TIAM2: variants seen among roughly 807,000 people sequenced by gnomAD.
TIAM2 encodes the protein TIAM Rac1 associated GEF 2.
In TIAM2, 80 loss-of-function variants were observed where a neutral mutation model predicts 152.9. That is an observed-to-expected ratio of 0.52 (90% CI 0.44 to 0.63). TIAM2 has a LOEUF of 0.63. Ranked by LOEUF, TIAM2 falls within the 30% of genes least tolerant of loss-of-function variation. The pLI is 0.00. For missense variants in TIAM2, 1,965 were observed against 2,120.1 expected, an observed-to-expected ratio of 0.93 and a Z score of 1.44; for synonymous variants, 804 against 838.0, an observed-to-expected ratio of 0.96 and a Z score of 0.70.
chr6:155,004,860 A>C (rs1778373855), intron 1 of TIAM2: 1 of 155,808 alleles, frequency 6.4e-6, no homozygotes, highest in African/African-American at 2.4e-5. Flanking sequence ...CCAAAAGAAG[A>C]TGTGCCCAAG....
At chr6:155,142,083 G>A (rs930070009) in intron 5 of TIAM2, among the ~76,000 whole-genome samples, 10 of 151,914 alleles carry the variant, frequency 6.6e-5, no homozygotes, top group African/African-American at 1.4e-4. Context: ...CCCCAGCATC[G>A]GGGTGAACGG....
chr6:155,042,032 T>G (rs1274691408), intron 1 of TIAM2, among the ~76,000 whole-genome samples: 1 of 152,096 alleles, frequency 6.6e-6, no homozygotes, highest in Non-Finnish European at 1.5e-5. Context: ...TTTTTTCTTT[T>G]TTTTTAATCT....
chr6:155,244,148 T>G, intron 17 of TIAM2, 69 bp downstream of exon 17: 1 of 1,394,478 alleles, frequency 7.2e-7, no homozygotes, highest in Middle Eastern at 1.8e-4. Context: ...TTAGCAGAAC[T>G]CCTATGAGAG....
Position 155,252,002 on chromosome 6 carries a change from T to C in TIAM2, c.4118T>C (p.Leu1373Ser). Residue 1373 changes from leucine (L) to serine (S), a missense_variant and splice_region_variant, in exon 23 of 27, where the codon TTG (leucine) becomes TCG (serine). Transcript: ENST00000682666. The stretch of plus-strand genomic sequence containing the variant: ...GAAAACTGCAAACTGAAAAAGAAAT[T>C]GGTAAGGCAAAAATTCATTTTAATT... Reference protein sequence around the residue: ...YKENCKLKKKLPSNSRPAHNS... With the variant: ...YKENCKLKKKSPSNSRPAHNS... 6.2e-7 allele frequency: 1 copy of C among 1,603,612 alleles called. No individual in the cohort carries two copies. The highest frequency in any genetic ancestry group is 8.5e-7 in the Non-Finnish European group (1 of 1,175,380).
chr6:155,017,749 T>C (rs1778620362), intron 1 of TIAM2, among the ~76,000 whole-genome samples: 1 of 152,046 alleles, frequency 6.6e-6, no homozygotes, highest in Non-Finnish European at 1.5e-5. Context: ...ATGATCCACC[T>C]GCCTCGGCCT....
chr6:155,046,476 C>T (rs1298234061), intron 1 of TIAM2, among the ~76,000 whole-genome samples: 2 of 151,956 alleles, frequency 1.3e-5, no homozygotes, highest in East Asian at 1.9e-4. Context: ...GCTGGGACTA[C>T]AGGCATGTGC....
At chr6:155,031,548 C>A (rs1413836822) in intron 1 of TIAM2, among the ~76,000 whole-genome samples, 2 of 152,056 alleles carry the variant, frequency 1.3e-5, no homozygotes, top group Non-Finnish European at 2.9e-5. Flanking sequence ...CATGGCTAAA[C>A]CCCATCTCTA....
At chr6:155,064,387 C>T (rs773159554) in intron 1 of TIAM2, among the ~76,000 whole-genome samples, 10 of 152,134 alleles carry the variant, frequency 6.6e-5, no homozygotes, top group East Asian at 1.9e-4. Flanking sequence ...ATCTCATAAA[C>T]GTGGCTAAAA....
At chr6:155,210,045 A>G (rs1347594031) in intron 14 of TIAM2, among the ~76,000 whole-genome samples, 1 of 152,166 alleles carries the variant, frequency 6.6e-6, no homozygotes, top group Non-Finnish European at 1.5e-5. Flanking sequence ...ATCTGGTTTC[A>G]CCTAGTTGAG....
Position 155,226,277 on chromosome 6 carries a change from G to A in TIAM2, c.3169-14253G>A, listed in dbSNP as rs564526870. The stretch of plus-strand genomic sequence containing the variant: ...GCTGAAGGTGTCATAAGATACTAAT[G>A]TACCAGTGGGGAATGGGATGCAAGG... On this transcript the variant is annotated intron_variant, in intron 15 of 26. Transcript: ENST00000682666. Among the ~76,000 whole-genome samples the A allele has an allele frequency of 3.3e-5, 5 of 152,366 alleles. No homozygotes were observed. In the East Asian group the frequency reaches 9.7e-4, roughly 29 times the overall value.
chr6:155,096,341 T>C (rs929194420), intron 2 of TIAM2, among the ~76,000 whole-genome samples: 1 of 152,234 alleles, frequency 6.6e-6, no homozygotes, highest in Non-Finnish European at 1.5e-5. Context: ...ATATTTGTGT[T>C]TTCTTCATGT....
intron 24 of TIAM2, 159 bp downstream of exon 24, chr6:155,253,212 G>GACTT: frequency 1.7e-6 from 1 of 599,532 alleles, no homozygotes; most frequent in East Asian, 2.8e-5. Flanking sequence ...TTCCTTAGCA[G>GACTT]ACTTCTGGGA....
At chr6:155,076,847 C>T (rs556732152) in intron 1 of TIAM2, among the ~76,000 whole-genome samples, 3 of 152,270 alleles carry the variant, frequency 2.0e-5, no homozygotes, top group South Asian at 2.1e-4. Flanking sequence ...ATGCGTGTAC[C>T]GCCATGCCTG....
intron 15 of TIAM2, among the ~76,000 whole-genome samples, chr6:155,240,328 A>C (rs1047847328): frequency 1.3e-5 from 2 of 152,254 alleles, no homozygotes; most frequent in Admixed American, 1.3e-4. Context: ...AACACTGAAC[A>C]TGAGTGTGGG....
At chr6:155,047,706 CGAGAGAGAGAGA>C (rs1562300223) in intron 1 of TIAM2, among the ~76,000 whole-genome samples, 1 of 41,192 alleles carries the variant, frequency 2.4e-5, no homozygotes, top group Admixed American at 3.4e-4. Flanking sequence ...AGAGAGAGAG[CGAGAGAGAGAGA>C]GAGAGAGCGA....
At chr6:155,114,037 T>TATATATATATATA (rs1381031482) in intron 2 of TIAM2, among the ~76,000 whole-genome samples, 342 of 28,340 alleles carry the variant, frequency 0.012, 2 homozygotes, top group Non-Finnish European at 0.019. Flanking sequence ...TATATATATA[T>TATATATATATATA]TTTTTTTTTT....
At chr6:155,017,994 A>G (rs1000224714) in intron 1 of TIAM2, among the ~76,000 whole-genome samples, 1 of 152,202 alleles carries the variant, frequency 6.6e-6, no homozygotes, top group East Asian at 1.9e-4. Flanking sequence ...CAGACTTCAT[A>G]TGAAAAGCCA....
intron 2 of TIAM2, among the ~76,000 whole-genome samples, chr6:155,101,193 C>T (rs1317558846): frequency 6.6e-5 from 10 of 152,274 alleles, no homozygotes; most frequent in East Asian, 5.8e-4. Context: ...TCAGCTCCCC[C>T]GGTAATGTTT....
At chr6:155,085,095 G>C (rs539195467) in intron 1 of TIAM2, among the ~76,000 whole-genome samples, 1 of 152,262 alleles carries the variant, frequency 6.6e-6, no homozygotes, top group Admixed American at 6.5e-5. Context: ...GGAGATGGGA[G>C]TTACATTTCT....
Sources: gnomAD v4.1 joint callset for allele counts (sites outside exome capture counted in the v4.1 genomes callset) on GRCh38, gnomAD v4.1.1 for gene constraint, MANE v1.5 for transcripts, NCBI Gene and HGNC (gene_info 2026-07-23, HGNC 2026-07-21) for gene names.